Variants in UTRN observed in about 807,000 individuals in gnomAD.
UTRN encodes the protein utrophin, also known as dystrophin-related protein 1.
In UTRN, 283 loss-of-function variants were observed where a neutral mutation model predicts 463.9. The observed-to-expected ratio is 0.61, with a 90% CI of 0.55 to 0.67. The LOEUF (loss-of-function observed/expected upper bound fraction) is 0.67. Among genes scored for constraint, UTRN ranks in the 30% least tolerant of loss-of-function variants. The pLI, the probability that UTRN is intolerant of heterozygous loss-of-function variation, is 0.00. For synonymous variants in UTRN, 1,442 were observed against 1,431.5 expected, an observed-to-expected ratio of 1.01 and a Z score of -0.17; for missense variants, 3,922 against 4,084.3, an observed-to-expected ratio of 0.96 and a Z score of 1.08.
chr6:144,513,261 TAAAAATATGGGCCAGGTGTGGTGGCGC>T (rs1321112262), intron 35 of UTRN, among the ~76,000 whole-genome samples: 3 of 152,098 alleles, frequency 2.0e-5, no homozygotes, highest in Non-Finnish European at 4.4e-5. Context: ...ATGAGTTTTT[TAAAAATATGGGCCAGGTGTGGTGGCGC>T]ACACCTGTAA....
chr6:144,375,559 T>C (rs1780376801), intron 2 of UTRN, among the ~76,000 whole-genome samples: 1 of 152,230 alleles, frequency 6.6e-6, no homozygotes, highest in Non-Finnish European at 1.5e-5. Context: ...CTTTTTGTTT[T>C]CCAGGCTCTT....
intron 51 of UTRN, among the ~76,000 whole-genome samples, chr6:144,594,535 A>G (rs781356546): frequency 6.6e-6 from 1 of 152,158 alleles, no homozygotes; most frequent in African/African-American, 2.4e-5. Flanking sequence ...CCAAATTTCA[A>G]TTTTTCCTTA....
At chr6:144,656,747 G>T (rs1779353269) in intron 51 of UTRN, among the ~76,000 whole-genome samples, 1 of 152,150 alleles carries the variant, frequency 6.6e-6, no homozygotes, top group Non-Finnish European at 1.5e-5. Context: ...TTCACAGAAT[G>T]ACTTTGGATA....
At chr6:144,647,221 A>G (rs1243842595) in intron 51 of UTRN, among the ~76,000 whole-genome samples, 1 of 152,194 alleles carries the variant, frequency 6.6e-6, no homozygotes, top group East Asian at 1.9e-4. Flanking sequence ...TGATATATTT[A>G]ATTAGATCCT....
At chr6:144,728,819 G>A (rs1054488810) in intron 53 of UTRN, among the ~76,000 whole-genome samples, 1 of 151,990 alleles carries the variant, frequency 6.6e-6, no homozygotes, top group African/African-American at 2.4e-5. Context: ...AGTAATAATT[G>A]TATAGTTTAA....
intron 51 of UTRN, among the ~76,000 whole-genome samples, chr6:144,592,118 A>G (rs1271058772): frequency 6.6e-6 from 1 of 152,082 alleles, no homozygotes; most frequent in Non-Finnish European, 1.5e-5. Flanking sequence ...TAGGTCATGA[A>G]TGCTTTTTTT....
At chr6:144,747,855 T>C (rs1251673159) in intron 54 of UTRN, among the ~76,000 whole-genome samples, 2 of 152,246 alleles carry the variant, frequency 1.3e-5, no homozygotes, top group East Asian at 1.9e-4. Context: ...TCATTAATTA[T>C]ACTTACCATT....
chr6:144,787,558 AT>A (rs1776394974), intron 61 of UTRN, among the ~76,000 whole-genome samples: 1 of 152,164 alleles, frequency 6.6e-6, no homozygotes, highest in African/African-American at 2.4e-5. Context: ...CCTAAGCACG[AT>A]TTCCTTTCTT....
At position 144,426,393 on chromosome 6, in the gene UTRN, A is replaced by G; in HGVS notation, c.512A>G (p.Asn171Ser). Residue 171 changes from asparagine to serine, a missense_variant, in exon 7 of 75, where the codon AAC becomes AGC. Around this residue, in one of 3 missense-constraint regions of UTRN, gnomAD observed 264 missense variants for 327.9 expected, o/e 0.81. Transcript: ENST00000367545. ...RQTTRPYSQVNVLNFTTSWTD... is the reference protein window; with the variant it reads ...RQTTRPYSQVSVLNFTTSWTD... ...ACCACCAGGCCCTACAGCCAAGTCAACGTCCTCAACTTCACCACCAGCTGG... is the reference window on the plus strand; with the variant it reads ...ACCACCAGGCCCTACAGCCAAGTCAGCGTCCTCAACTTCACCACCAGCTGG... 4 of 1,614,192 alleles carry G rather than the reference A, an allele frequency of 2.5e-6. No homozygotes were observed. Among genetic ancestry groups the G allele is most frequent in the Non-Finnish European group, 3.4e-6 (4 of 1,180,026 alleles).
intron 56 of UTRN, among the ~76,000 whole-genome samples, chr6:144,752,668 A>T (rs1313577793): frequency 3.3e-5 from 5 of 152,198 alleles, no homozygotes; most frequent in Non-Finnish European, 7.3e-5. Context: ...GGATTAGTAA[A>T]GCAAAATCTG....
At chr6:144,823,245 C>A (rs7744222) in intron 66 of UTRN, among the ~76,000 whole-genome samples, 90,562 of 151,798 alleles carry the variant, frequency 0.6, 30,996 homozygotes, top group East Asian at 0.95. Flanking sequence ...CCTTTTTGGA[C>A]AGATTTATGA....
chr6:144,453,742 G>C, intron 18 of UTRN, 40 bp from the exon 19 acceptor site: 2 of 1,561,866 alleles, frequency 1.3e-6, no homozygotes, highest in Non-Finnish European at 1.8e-6. Flanking sequence ...ATATTGAGAA[G>C]AAAGTTTGCA....
chr6:144,461,904 T>C (rs1353343472), intron 22 of UTRN, among the ~76,000 whole-genome samples: 1 of 152,224 alleles, frequency 6.6e-6, no homozygotes, highest in African/African-American at 2.4e-5. Flanking sequence ...TTGTTTTGTT[T>C]TGTTTTTTGA....
chr6:144,366,069 A>T (rs115754985), intron 2 of UTRN, among the ~76,000 whole-genome samples: 1 of 152,216 alleles, frequency 6.6e-6, no homozygotes, highest in African/African-American at 2.4e-5. Context: ...TTAAAATATT[A>T]TGGCAGCTGA....
chr6:144,428,502 G>A (rs370546312), intron 7 of UTRN, among the ~76,000 whole-genome samples: 19 of 148,208 alleles, frequency 1.3e-4, no homozygotes, highest in African/African-American at 4.7e-4. Context: ...CTACTCTTTG[G>A]GAAACATTAT....
At chr6:144,804,634 TC>T (rs1467300380) in intron 65 of UTRN, among the ~76,000 whole-genome samples, 1 of 152,134 alleles carries the variant, frequency 6.6e-6, no homozygotes, top group Non-Finnish European at 1.5e-5. Flanking sequence ...CAGCATCAGT[TC>T]CATCAGACCA....
intron 16 of UTRN, among the ~76,000 whole-genome samples, chr6:144,448,037 CTTA>C (rs1164702707): frequency 6.6e-6 from 1 of 151,998 alleles, no homozygotes; most frequent in African/African-American, 2.4e-5. Flanking sequence ...CTTAAGTAAT[CTTA>C]TTAATCTTAA....
At chr6:144,843,262 G>C (rs1006862458) in intron 73 of UTRN, among the ~76,000 whole-genome samples, 1 of 151,936 alleles carries the variant, frequency 6.6e-6, no homozygotes, top group Admixed American at 6.6e-5. Flanking sequence ...GATGGGAAAT[G>C]TGTTTCAATA....
At chr6:144,615,605 C>T (rs1407097528) in intron 51 of UTRN, among the ~76,000 whole-genome samples, 1 of 152,126 alleles carries the variant, frequency 6.6e-6, no homozygotes, top group Non-Finnish European at 1.5e-5. Flanking sequence ...CCTATGTATT[C>T]CTATTTGTTG....
Sources: allele counts gnomAD v4.1 joint callset (sites outside exome capture counted in the v4.1 genomes callset), GRCh38; gene constraint gnomAD v4.1.1; regional missense constraint gnomAD v4.1.1; transcripts MANE v1.5; gene names NCBI Gene and HGNC (gene_info 2026-07-23, HGNC 2026-07-21).